The following KCNN3 variants were observed in gnomAD, a reference collection of about 807,000 sequenced individuals.
KCNN3 encodes potassium calcium-activated channel subfamily N member 3, also known as small conductance calcium-activated potassium channel protein 3.
Under a neutral mutation model 62.9 loss-of-function variants are expected in KCNN3, and 16 were observed. The ratio of observed to expected loss-of-function variants is 0.25; its 90% confidence interval spans 0.17 to 0.39. KCNN3 has a LOEUF of 0.39. Ranked by LOEUF, KCNN3 falls within the 10% of genes least tolerant of loss-of-function variation. The probability of loss-of-function intolerance (pLI) is 1.00; values close to 1 mark genes in which losing one functional copy is unlikely to be tolerated. For missense variants in KCNN3, 599 were observed against 949.4 expected (o/e 0.63, Z 4.85); for synonymous variants, 370 against 389.2 (o/e 0.95, Z 0.58).
intron 1 of KCNN3, among the ~76,000 whole-genome samples, chr1:154,827,790 C>T (rs1651199070): frequency 6.6e-6 from 1 of 151,910 alleles, no homozygotes; most frequent in Non-Finnish European, 1.5e-5. Context: ...CAGAGCAAGA[C>T]TCTGTCTCAA....
rs1699773757 is a variant in KCNN3, at chr1:154,698,025, T to C, written c.*9951A>G. ...TAAAGTACTATTATTTAGTAATCAC[T>C]GAGTTGGTAAATGTATTCATTCATA... On this transcript the variant is annotated 3_prime_UTR_variant, in exon 8 of 8. Coordinates refer to ENST00000271915, the MANE Select transcript of KCNN3 (RefSeq NM_002249.6). The C allele has an allele frequency of 6.6e-6, 1 of 152,226 alleles. No homozygotes were observed. Among genetic ancestry groups the C allele is most frequent in the African/African-American group, 2.4e-5 (1 of 41,448 alleles). The allele number at this position is 152,226 out of a possible 1,614,324, so 9.4% of individuals were successfully genotyped here. A position where few individuals can be genotyped will look rare whatever the true frequency, so the allele number is the denominator to read the frequency against.
At position 154,708,255 on chromosome 1, in the gene KCNN3, A is replaced by G; in HGVS notation, c.1917T>C (p.Tyr639=). ...VDLSKMQNVM[Y]DLITELNDRS... is the part of the protein sequence containing the mutation. ...GGTCATTGAGTTCTGTGATTAAGTC[A>G]TACATGACATTCTGCATCTGTGTGG... The change falls in exon 8 of 8, where the codon TAT becomes TAC. Residue 639 remains tyrosine, a synonymous_variant. Transcript: ENST00000271915. 1.9e-6 allele frequency: 3 copies of G among 1,613,616 alleles called. No individual in the cohort carries two copies. The highest frequency in any genetic ancestry group is 1.7e-5 in the Admixed American group (1 of 60,016).
intron 3 of KCNN3, among the ~76,000 whole-genome samples, chr1:154,751,252 A>G (rs914686659): frequency 2.6e-5 from 4 of 152,120 alleles, no homozygotes; most frequent in Admixed American, 6.5e-5. Context: ...TGGCTAAAGA[A>G]GCTCTAAAGC....
intron 2 of KCNN3, among the ~76,000 whole-genome samples, chr1:154,794,946 G>C (rs184711482): frequency 3.9e-5 from 6 of 152,312 alleles, no homozygotes; most frequent in African/African-American, 1.2e-4. Context: ...TCCAATCCCT[G>C]AGGATGTCTG....
At chr1:154,768,446 G>T (rs958610956) in intron 3 of KCNN3, among the ~76,000 whole-genome samples, 2 of 152,224 alleles carry the variant, frequency 1.3e-5, no homozygotes, top group Admixed American at 6.5e-5. Context: ...CTGAGATTTG[G>T]GGGTGGGAGT....
At chr1:154,802,189 G>T (rs1029239412) in intron 2 of KCNN3, among the ~76,000 whole-genome samples, 3 of 152,198 alleles carry the variant, frequency 2.0e-5, no homozygotes, top group African/African-American at 7.2e-5. Flanking sequence ...GAGGCAGAGA[G>T]GTTTAAACAA....
chr1:154,751,020 A>T (rs1383816159), intron 3 of KCNN3, among the ~76,000 whole-genome samples: 2 of 152,178 alleles, frequency 1.3e-5, no homozygotes, highest in African/African-American at 4.8e-5. Flanking sequence ...TAGATAAGCA[A>T]ATGGAGGCCA....
chr1:154,824,210 G>T (rs1054755144), intron 1 of KCNN3, among the ~76,000 whole-genome samples: 5 of 151,928 alleles, frequency 3.3e-5, no homozygotes, highest in African/African-American at 9.7e-5. Flanking sequence ...ATGGGAAAAG[G>T]TCTCCATTAT....
intron 3 of KCNN3, among the ~76,000 whole-genome samples, chr1:154,736,659 G>A (rs1249173752): frequency 6.6e-6 from 1 of 152,104 alleles, no homozygotes; most frequent in East Asian, 1.9e-4. Flanking sequence ...GTGCACGTGG[G>A]TCTCCACAGT....
chr1:154,777,379 G>A (rs1393280141), intron 2 of KCNN3, among the ~76,000 whole-genome samples: 2 of 152,122 alleles, frequency 1.3e-5, no homozygotes, highest in Non-Finnish European at 2.9e-5. Context: ...GGGTGTGTAG[G>A]CGGATGACTG....
chr1:154,816,295 T>C (rs1156392839), intron 2 of KCNN3, among the ~76,000 whole-genome samples: 1 of 152,152 alleles, frequency 6.6e-6, no homozygotes, highest in East Asian at 1.9e-4. Flanking sequence ...CTCCACCCCA[T>C]TGATCTGATT....
In KCNN3 at chr1:154,706,472, G is replaced by A. The variant is rs184406618; in HGVS notation, c.*1504C>T. On this transcript the variant is annotated 3_prime_UTR_variant, in exon 8 of 8. Coordinates refer to ENST00000271915, the MANE Select transcript of KCNN3 (RefSeq NM_002249.6). ...ATGGTTTTCACGTCACAAATGTTAC[G>A]TGTGGTCAGATTATGGAGCAATGAA... 1.1e-4 allele frequency: 16 copies of A among 152,312 alleles called. No individual in the cohort carries two copies. Among genetic ancestry groups the A allele is most frequent in the Non-Finnish European group, 1.5e-4 (10 of 68,028 alleles). The allele number at this position is 152,312 out of a possible 1,614,324, so 9.4% of individuals were successfully genotyped here.
chr1:154,821,697 C>A (rs1650907011), intron 2 of KCNN3, among the ~76,000 whole-genome samples: 1 of 152,198 alleles, frequency 6.6e-6, no homozygotes, highest in South Asian at 2.1e-4. Flanking sequence ...GGCAGGTCTG[C>A]CTCACTGAAG....
chr1:154,714,830 C>T, intron 6 of KCNN3, 46 bp downstream of exon 6: 1 of 1,611,810 alleles, frequency 6.2e-7, no homozygotes, highest in Non-Finnish European at 8.5e-7. Context: ...AGTCCCGCCA[C>T]TCCCAGTCTG....
chr1:154,718,285 T>G (rs1700273283), intron 5 of KCNN3, among the ~76,000 whole-genome samples: 2 of 152,152 alleles, frequency 1.3e-5, no homozygotes, highest in African/African-American at 4.8e-5. Context: ...ACCAAAAAAT[T>G]GCTTTCACTC....
Position 154,707,763 on chromosome 1 carries a change from G to T in KCNN3, c.*213C>A. 1.8e-6 allele frequency: 1 copy of T among 559,588 alleles called. No homozygotes were observed. Among genetic ancestry groups the T allele is most frequent in the Non-Finnish European group, 3.1e-6 (1 of 326,780 alleles). 34.7% of individuals were successfully genotyped at this position (559,588 alleles called of 1,614,324 possible). On this transcript the variant is annotated 3_prime_UTR_variant, in exon 8 of 8. Coordinates refer to ENST00000271915, the MANE Select transcript of KCNN3 (RefSeq NM_002249.6). ...TCGCTTCCTGTCATCTCCTCTTCCCGCTCCCAAGTAGAGGCACCTAAACAG... is the reference window on the plus strand; with the variant it reads ...TCGCTTCCTGTCATCTCCTCTTCCCTCTCCCAAGTAGAGGCACCTAAACAG...
intron 6 of KCNN3, 49 bp downstream of exon 6, chr1:154,714,827 C>T (rs777914856): frequency 6.2e-7 from 1 of 1,611,490 alleles, no homozygotes; most frequent in East Asian, 2.2e-5. Context: ...AGGAGTCCCG[C>T]CACTCCCAGT....
chr1:154,788,550 T>C (rs1381601079), intron 2 of KCNN3, among the ~76,000 whole-genome samples: 2 of 152,078 alleles, frequency 1.3e-5, no homozygotes, highest in Non-Finnish European at 2.9e-5. Flanking sequence ...TAACAGACAA[T>C]GGAGGGTTCA....
chr1:154,730,477 A>C (rs1700568685), intron 4 of KCNN3, among the ~76,000 whole-genome samples: 1 of 152,132 alleles, frequency 6.6e-6, no homozygotes, highest in African/African-American at 2.4e-5. Context: ...GGAGCTATAC[A>C]TAGTGTTGGG....
Sources: gnomAD v4.1 joint callset for allele counts (sites outside exome capture counted in the v4.1 genomes callset) on GRCh38, gnomAD v4.1.1 for gene constraint, MANE v1.5 for transcripts, NCBI Gene and HGNC (gene_info 2026-07-23, HGNC 2026-07-21) for gene names.